The following GABBR2 variants were observed in gnomAD, a reference collection of about 807,000 sequenced individuals.
GABBR2 encodes the protein gamma-aminobutyric acid type B receptor subunit 2, also known as G-protein coupled receptor 51.
In GABBR2, 23 loss-of-function variants were observed where a neutral mutation model predicts 105.6. The observed-to-expected ratio is 0.22, with a 90% confidence interval of 0.16 to 0.31. The LOEUF is 0.31. Ranked by LOEUF, GABBR2 falls within the 10% of genes least tolerant of loss-of-function variation. The probability of loss-of-function intolerance (pLI) is 1.00; values close to 1 mark genes in which losing one functional copy is unlikely to be tolerated. For synonymous variants in GABBR2, 478 were observed against 499.7 expected (o/e 0.96, Z 0.58); for missense variants, 734 against 1,245.5 (o/e 0.59, Z 6.18).
chr9:98,491,885 G>A (rs907752708), intron 4 of GABBR2, among the ~76,000 whole-genome samples: 2 of 152,042 alleles, frequency 1.3e-5, no homozygotes, highest in South Asian at 2.1e-4. Context: ...CTGCTCAGCC[G>A]TTTCTGTCAT....
chr9:98,299,428 A>G, intron 16 of GABBR2, 75 bp from the exon 17 acceptor site: 1 of 1,552,400 alleles, frequency 6.4e-7, no homozygotes, highest in Non-Finnish European at 8.9e-7. Context: ...GCCAAAAGGT[A>G]GCTCACAGGG....
chr9:98,500,767 C>T (rs1231197368), intron 3 of GABBR2, among the ~76,000 whole-genome samples: 1 of 152,174 alleles, frequency 6.6e-6, no homozygotes, highest in Non-Finnish European at 1.5e-5. Context: ...CATGTGAGTT[C>T]GTGCCAGAAA....
intron 8 of GABBR2, among the ~76,000 whole-genome samples, chr9:98,394,654 C>T (rs954824115): frequency 2.0e-5 from 3 of 152,186 alleles, no homozygotes; most frequent in African/African-American, 4.8e-5. Flanking sequence ...AGGATAGGCC[C>T]AGATACTTGA....
chr9:98,487,141 G>A (rs874278), intron 4 of GABBR2, among the ~76,000 whole-genome samples: 34,444 of 152,042 alleles, frequency 0.23, 4,223 homozygotes, highest in African/African-American at 0.28. Flanking sequence ...TATCTATGTC[G>A]TAAGTTAAAA....
chr9:98,486,667 T>C (rs1827058166), intron 4 of GABBR2, among the ~76,000 whole-genome samples: 1 of 152,152 alleles, frequency 6.6e-6, no homozygotes, highest in Admixed American at 6.5e-5. Context: ...GTCACAATGC[T>C]ATATAAAGAG....
At chr9:98,365,072 G>A (rs1831652529) in intron 12 of GABBR2, among the ~76,000 whole-genome samples, 1 of 152,166 alleles carries the variant, frequency 6.6e-6, no homozygotes, top group African/African-American at 2.4e-5. Flanking sequence ...GAGGGCTTCT[G>A]TGTTATTCTC....
chr9:98,583,896 A>T (rs968951294), intron 1 of GABBR2, among the ~76,000 whole-genome samples: 53 of 152,174 alleles, frequency 3.5e-4, no homozygotes, highest in African/African-American at 1.3e-3. Context: ...TTTCCTGTGG[A>T]CCAGCCCTGG....
intron 13 of GABBR2, among the ~76,000 whole-genome samples, chr9:98,326,783 A>G (rs1202144135): frequency 1.3e-5 from 2 of 152,242 alleles, no homozygotes; most frequent in Non-Finnish European, 1.5e-5. Flanking sequence ...ATTTATTTTT[A>G]TGTCATCACG....
chr9:98,489,760 G>A (rs1827136861), intron 4 of GABBR2, among the ~76,000 whole-genome samples: 1 of 151,924 alleles, frequency 6.6e-6, no homozygotes. Flanking sequence ...AAGACACCAA[G>A]GCAGGGACGG....
intron 1 of GABBR2, among the ~76,000 whole-genome samples, chr9:98,615,668 C>T (rs541225896): frequency 7.2e-5 from 11 of 152,292 alleles, no homozygotes; most frequent in African/African-American, 9.6e-5. Context: ...TAATCGGTGT[C>T]GACCCCCTGC....
At chr9:98,352,229 G>T (rs985828467) in intron 13 of GABBR2, among the ~76,000 whole-genome samples, 6 of 152,242 alleles carry the variant, frequency 3.9e-5, no homozygotes, top group East Asian at 1.9e-4. Flanking sequence ...TAGGGGCACT[G>T]GTGGTGGCAG....
chr9:98,503,704 A>T (rs117745531), intron 3 of GABBR2, among the ~76,000 whole-genome samples: 161 of 152,254 alleles, frequency 1.1e-3, no homozygotes, highest in Middle Eastern at 3.4e-3. Flanking sequence ...TGTCCCCCAC[A>T]GTTTCCATGG....
At chr9:98,358,592 C>T (rs1831528793) in intron 13 of GABBR2, among the ~76,000 whole-genome samples, 3 of 152,220 alleles carry the variant, frequency 2.0e-5, no homozygotes, top group African/African-American at 7.2e-5. Flanking sequence ...GGAAGGGCCA[C>T]ATCTCATTCA....
At chr9:98,352,304 T>C (rs938022898) in intron 13 of GABBR2, among the ~76,000 whole-genome samples, 7 of 152,108 alleles carry the variant, frequency 4.6e-5, no homozygotes, top group African/African-American at 1.4e-4. Flanking sequence ...GAAGTGTCAA[T>C]GGTGGGCCTA....
chr9:98,617,856 C>T, intron 1 of GABBR2, among the ~76,000 whole-genome samples: 1 of 152,190 alleles, frequency 6.6e-6, no homozygotes, highest in East Asian at 1.9e-4. Flanking sequence ...GGACTTACAG[C>T]CAGACAGATC....
At chr9:98,362,970 A>C in intron 12 of GABBR2, 133 bp from the exon 13 acceptor site, 1 of 662,824 alleles carries the variant, frequency 1.5e-6, no homozygotes. Flanking sequence ...ATTCCCCATC[A>C]CCCACAGGAT....
At chr9:98,509,214 C>T (rs145205858) in intron 3 of GABBR2, among the ~76,000 whole-genome samples, 17,210 of 152,200 alleles carry the variant, frequency 0.11, 1,644 homozygotes, top group East Asian at 0.5. Flanking sequence ...GGGTCCTGTC[C>T]GTTAGAAGGA....
intron 1 of GABBR2, among the ~76,000 whole-genome samples, chr9:98,685,500 GAAT>G (rs1299139584): frequency 6.6e-6 from 1 of 152,132 alleles, no homozygotes; most frequent in African/African-American, 2.4e-5. Flanking sequence ...CTTGTTGAAT[GAAT>G]AAGGGCATGA....
rs1824194516 is a variant in GABBR2, at chr9:98,473,408, T to G, written c.799-62A>C. 5.4e-6 allele frequency: 6 copies of G among 1,103,566 alleles called. No homozygotes were observed. In the South Asian group the frequency reaches 7.7e-5, roughly 14 times the overall value. 68.4% of individuals were successfully genotyped at this position (1,103,566 alleles called of 1,614,324 possible). On this transcript the variant is annotated intron_variant, in intron 5 of 18. Coordinates refer to ENST00000259455, the MANE Select transcript of GABBR2 (RefSeq NM_005458.8). Reference sequence around the variant, plus strand: ...TCGCACAGTTCAAGGCTCTGTGCCCTGGAAGACAGGTGGGGAGGAAGGCTT... The same window carrying G: ...TCGCACAGTTCAAGGCTCTGTGCCCGGGAAGACAGGTGGGGAGGAAGGCTT...
Sources: allele counts gnomAD v4.1 joint callset (sites outside exome capture counted in the v4.1 genomes callset), GRCh38; gene constraint gnomAD v4.1.1; transcripts MANE v1.5; gene names NCBI Gene and HGNC (gene_info 2026-07-23, HGNC 2026-07-21).